The following CD248 variants were observed in gnomAD, a reference collection of about 807,000 sequenced individuals.
The protein encoded by CD248 is endosialin.
In CD248, 7 loss-of-function variants were observed where a neutral mutation model predicts 8.0. That is an observed-to-expected ratio of 0.88 (90% CI 0.50 to 1.64). The LOEUF (loss-of-function observed/expected upper bound fraction) is 1.64, where lower values mean the gene tolerates loss of function less well. Ranked by LOEUF, CD248 falls within the 40% of genes most tolerant of loss-of-function variation. The pLI, the probability that CD248 is intolerant of heterozygous loss-of-function variation, is 0.00. For missense variants in CD248, 912 were observed against 1,027.2 expected (o/e 0.89, Z 1.53); for synonymous variants, 418 against 437.1 (o/e 0.96, Z 0.54).
Position 66,316,112 on chromosome 11 carries a change from C to T in CD248, c.916G>A (p.Asp306Asn), listed in dbSNP as rs756539493. The T allele has an allele frequency of 5.6e-6, 9 of 1,613,544 alleles. No individual in the cohort carries two copies. Among genetic ancestry groups the T allele is most frequent in the Non-Finnish European group, 6.8e-6 (8 of 1,180,040 alleles). ...CRLGFRPAED[D>N]PHRCVDTDEC... is the part of the protein sequence containing the mutation. ...TCTGTGTCCACACAGCGGTGCGGAT[C>T]ATCCTCCGCTGGCCGGAAACCCAGG... Residue 306 changes from aspartate to asparagine, a missense_variant, in exon 1 of 1, where the codon GAT (aspartate) becomes AAT (asparagine). Coordinates refer to ENST00000311330, the MANE Select transcript of CD248 (RefSeq NM_020404.3).
chr11:66,314,603 T>G lies in CD248; in HGVS notation c.*151A>C. On this transcript the variant is annotated 3_prime_UTR_variant, in exon 1 of 1. Coordinates refer to ENST00000311330, the MANE Select transcript of CD248 (RefSeq NM_020404.3). This position sits in a 1 kb window ranked among gnomAD's most constrained non-coding sequence, Gnocchi z 4.0. ...GCGCTGGGCCAGGAAGCAGAGTTCC[T>G]GAGAGCCAAGTCTAGTGGTTGAGAG... The G allele has an allele frequency of 1.5e-6, 1 of 655,184 alleles. No homozygotes were observed. Among genetic ancestry groups the G allele is most frequent in the Non-Finnish European group, 2.6e-6 (1 of 389,298 alleles). The allele number at this position is 655,184 out of a possible 1,614,324, so 40.6% of individuals were successfully genotyped here. A position where few individuals can be genotyped will look rare whatever the true frequency, so the allele number is the denominator to read the frequency against.
Position 66,316,758 on chromosome 11 carries a change from C to T in CD248, c.270G>A (p.Gln90=). ...GGCGCTGCAGCTGGCATTGCCGGGC[C>T]TGCCGCTGCAGCCCGATCCACAGCA... ...SRLLWIGLQR[Q]ARQCQLQRPL... The change falls in exon 1 of 1, where the codon CAG becomes CAA. Residue 90 remains glutamine (Q), a synonymous_variant. Transcript: ENST00000311330. 1.2e-6 allele frequency: 2 copies of T among 1,600,208 alleles called. No homozygotes were observed. Among genetic ancestry groups the T allele is most frequent in the Non-Finnish European group, 1.7e-6 (2 of 1,179,026 alleles).
In CD248 at chr11:66,314,637, G is replaced by T; in HGVS notation, c.*117C>A. 2 of 825,016 alleles carry T rather than the reference G, an allele frequency of 2.4e-6. No individual in the cohort carries two copies. Among genetic ancestry groups the T allele is most frequent in the Non-Finnish European group, 3.7e-6 (2 of 538,382 alleles). The allele number at this position is 825,016 out of a possible 1,614,324, so 51.1% of individuals were successfully genotyped here. A position where few individuals can be genotyped will look rare whatever the true frequency, so the allele number is the denominator to read the frequency against. On this transcript the variant is annotated 3_prime_UTR_variant, in exon 1 of 1. Coordinates refer to ENST00000311330, the MANE Select transcript of CD248 (RefSeq NM_020404.3). This position sits in a 1 kb window ranked among gnomAD's most constrained non-coding sequence, Gnocchi z 4.0. Reference sequence around the variant, plus strand: ...AGTCTAGTGGTTGAGAGAGGACCCTGGCTGGGCCTGGGGAGCAGGAAGCCA... The same window carrying T: ...AGTCTAGTGGTTGAGAGAGGACCCTTGCTGGGCCTGGGGAGCAGGAAGCCA...
Position 66,314,780 on chromosome 11 carries a change from C to A in CD248, c.2248G>T (p.Val750Leu), listed in dbSNP as rs768578038. 3.9e-6 allele frequency: 6 copies of A among 1,552,714 alleles called. No individual in the cohort carries two copies. The East Asian group carries it at 1.5e-4, about 38-fold the overall frequency. The change falls in exon 1 of 1, where the codon GTG becomes TTG. Residue 750 changes from valine (V) to leucine (L), a missense_variant. Coordinates refer to ENST00000311330, the MANE Select transcript of CD248 (RefSeq NM_020404.3). This position sits in a 1 kb window ranked among gnomAD's most constrained non-coding sequence, Gnocchi z 4.0. ...PMPPRGSLTGVQTCRTSV is the reference protein window; with the variant it reads ...PMPPRGSLTGLQTCRTSV ...CACACGCTGGTTCTGCAGGTCTGCACCCCTGTGAGGCTGCCCCTGGGGGGC... is the reference window on the plus strand; with the variant it reads ...CACACGCTGGTTCTGCAGGTCTGCAACCCTGTGAGGCTGCCCCTGGGGGGC...
Position 66,315,783 on chromosome 11 carries a change from T to C in CD248, c.1245A>G (p.Pro415=), listed in dbSNP as rs780045439. The C allele has an allele frequency of 2.5e-6, 4 of 1,613,580 alleles. No homozygotes were observed. Among genetic ancestry groups the C allele is most frequent in the East Asian group, 2.2e-5 (1 of 44,874 alleles). Reference sequence around the variant, plus strand: ...AGGGTATCTGTGGCTCTCTGTCCTCTGGGAAGCTCGGTCTATAGGCCAGGG... The same window carrying C: ...AGGGTATCTGTGGCTCTCTGTCCTCCGGGAAGCTCGGTCTATAGGCCAGGG... ...DFALAYRPSF[P]EDREPQIPYP... The change falls in exon 1 of 1, where the codon CCA becomes CCG. Residue 415 remains proline, a synonymous_variant. Transcript: ENST00000311330. This position sits in a 1 kb window ranked among gnomAD's most constrained non-coding sequence, Gnocchi z 4.3.
Position 66,314,803 on chromosome 11 carries a change from G to A in CD248, c.2225C>T (p.Pro742Leu), listed in dbSNP as rs769738613. 1.9e-6 allele frequency: 3 copies of A among 1,562,204 alleles called. No individual in the cohort carries two copies. The highest frequency in any genetic ancestry group is 2.4e-5 in the East Asian group (1 of 42,178). The part of the protein sequence containing the change: ...AGSKSPTEPM[P>L]PRGSLTGVQT... ...CACCCCTGTGAGGCTGCCCCTGGGG[G>A]GCATGGGTTCTGTTGGGCTCTTGCT... The change falls in exon 1 of 1, where the codon CCC becomes CTC. Residue 742 changes from proline (P) to leucine (L), a missense_variant. By Grantham distance (98) the Pro-to-Leu change is moderately conservative. Coordinates refer to ENST00000311330, the MANE Select transcript of CD248 (RefSeq NM_020404.3). This position sits in a 1 kb window ranked among gnomAD's most constrained non-coding sequence, Gnocchi z 4.0.
chr11:66,316,475 G>A lies in CD248; in HGVS notation c.553C>T (p.Leu185=), dbSNP rs770903032. 1 of 1,599,734 alleles carries A rather than the reference G, an allele frequency of 6.3e-7. No homozygotes were observed. Among genetic ancestry groups the A allele is most frequent in the African/African-American group, 1.3e-5 (1 of 74,946 alleles). Residue 185 remains leucine, a synonymous_variant, in exon 1 of 1, where the codon CTG becomes TTG. Transcript: ENST00000311330. ...GPAVYTTPFH[L]VSTEFEWLPF... is the part of the protein sequence containing the mutation. ...AGCCACTCAAACTCTGTGGAGACCA[G>A]GTGGAAGGGCGTGGTATACACGGCT... is the stretch of plus-strand genomic sequence containing the variant.
rs1291702661 is a variant in CD248 at position 66,315,162 on chromosome 11, GGGCAGGAGGGTGGGGA to G, written c.1850_1865del (p.Leu617ProfsTer183). On this transcript the variant is annotated frameshift_variant, in exon 1 of 1. Coordinates refer to ENST00000311330, the MANE Select transcript of CD248 (RefSeq NM_020404.3). LOFTEE classifies it high-confidence loss of function. This position sits in a 1 kb window ranked among gnomAD's most constrained non-coding sequence, Gnocchi z 4.3. The stretch of plus-strand genomic sequence containing the variant: ...AGGTCTGGTTAGTGGGGCTCTGAGA[GGGCAGGAGGGTGGGGA>G]GGGCTGCGGGCTGGGTGGCAGCAGG... 1.3e-6 allele frequency: 2 copies of G among 1,528,296 alleles called. No individual in the cohort carries two copies. The highest frequency in any genetic ancestry group is 2.8e-5 in the African/African-American group (2 of 72,024). The allele number at this position is 1,528,296 out of a possible 1,614,324, so 94.7% of individuals were successfully genotyped here.
chr11:66,315,593 C>T lies in CD248; in HGVS notation c.1435G>A (p.Asp479Asn), dbSNP rs150813014. Residue 479 changes from aspartate (D) to asparagine (N), a missense_variant, in exon 1 of 1, where the codon GAC becomes AAC. Asp to Asn is a conservative substitution (Grantham distance 23). Transcript: ENST00000311330. This position sits in a 1 kb window ranked among gnomAD's most constrained non-coding sequence, Gnocchi z 4.3. ...GCTGCGATCACGGGGATCTGGTGGT[C>T]ACGGGACAAAGCTGGGTGTGTGGCA... ...IPATHPALSR[D>N]HQIPVIAANY... The T allele has an allele frequency of 5.6e-6, 9 of 1,613,814 alleles. No homozygotes were observed. The highest frequency in any genetic ancestry group is 6.8e-6 in the Non-Finnish European group (8 of 1,179,910).
At position 66,316,029 on chromosome 11, in the gene CD248, G is replaced by A. The variant is rs780234505; in HGVS notation, c.999C>T (p.Phe333=). The A allele has an allele frequency of 1.8e-5, 29 of 1,613,440 alleles. No homozygotes were observed. The highest frequency in any genetic ancestry group is 1.6e-4 in the Middle Eastern group (1 of 6,084). The part of the protein sequence containing the change: ...QQMCVNYVGG[F]ECYCSEGHEL... ...CATGTCCCTCGCTACAATAACACTC[G>A]AAGCCACCAACGTAGTTGACACACA... is the stretch of plus-strand genomic sequence containing the variant. Residue 333 remains phenylalanine (F), a synonymous_variant, in exon 1 of 1, where the codon TTC becomes TTT. Transcript: ENST00000311330.
At position 66,316,028 on chromosome 11, in the gene CD248, C is replaced by G. The variant is rs1348222117; in HGVS notation, c.1000G>C (p.Glu334Gln). ...QMCVNYVGGFECYCSEGHELE... is the reference protein window; with the variant it reads ...QMCVNYVGGFQCYCSEGHELE... The stretch of plus-strand genomic sequence containing the variant: ...TCATGTCCCTCGCTACAATAACACT[C>G]GAAGCCACCAACGTAGTTGACACAC... The change falls in exon 1 of 1, where the codon GAG becomes CAG. Residue 334 changes from glutamate to glutamine, a missense_variant. Glu to Gln is a conservative substitution (Grantham distance 29). Coordinates refer to ENST00000311330, the MANE Select transcript of CD248 (RefSeq NM_020404.3). 2.5e-6 allele frequency: 4 copies of G among 1,613,566 alleles called. No individual in the cohort carries two copies. The highest frequency in any genetic ancestry group is 1.7e-5 in the Admixed American group (1 of 60,010).
Position 66,316,759 on chromosome 11 carries a change from T to C in CD248, c.269A>G (p.Gln90Arg). ...SRLLWIGLQRQARQCQLQRPL... is the reference protein window; with the variant it reads ...SRLLWIGLQRRARQCQLQRPL... ...GCGCTGCAGCTGGCATTGCCGGGCC[T>C]GCCGCTGCAGCCCGATCCACAGCAG... Residue 90 changes from glutamine to arginine, a missense_variant, in exon 1 of 1, where the codon CAG becomes CGG. Gln to Arg is a conservative substitution (Grantham distance 43). Coordinates refer to ENST00000311330, the MANE Select transcript of CD248 (RefSeq NM_020404.3). 6.3e-7 allele frequency: 1 copy of C among 1,599,922 alleles called. No individual in the cohort carries two copies. Among genetic ancestry groups the C allele is most frequent in the South Asian group, 1.1e-5 (1 of 90,920 alleles).
At position 66,314,626 on chromosome 11, in the gene CD248, G is replaced by A. The variant is rs1854521100; in HGVS notation, c.*128C>T. The A allele has an allele frequency of 2.3e-5, 17 of 751,686 alleles. No individual in the cohort carries two copies. The highest frequency in any genetic ancestry group is 3.4e-5 in the Non-Finnish European group (16 of 473,088). The allele number at this position is 751,686 out of a possible 1,614,324, so 46.6% of individuals were successfully genotyped here. ...CCTGAGAGCCAAGTCTAGTGGTTGA[G>A]AGAGGACCCTGGCTGGGCCTGGGGA... On this transcript the variant is annotated 3_prime_UTR_variant, in exon 1 of 1. Coordinates refer to ENST00000311330, the MANE Select transcript of CD248 (RefSeq NM_020404.3). The surrounding 1 kb of genome is among the most constrained non-coding windows in gnomAD (Gnocchi z 4.0).
In CD248 at chr11:66,316,973, C is replaced by T. The variant is rs1854559636; in HGVS notation, c.55G>A (p.Asp19Asn). 1 of 1,528,560 alleles carries T rather than the reference C, an allele frequency of 6.5e-7. No homozygotes were observed. Among genetic ancestry groups the T allele is most frequent in the South Asian group, 1.2e-5 (1 of 81,920 alleles). 94.7% of individuals were successfully genotyped at this position (1,528,560 alleles called of 1,614,324 possible). A position where few individuals can be genotyped will look rare whatever the true frequency, so the allele number is the denominator to read the frequency against. The change falls in exon 1 of 1, where the codon GAC (aspartate) becomes AAC (asparagine). Residue 19 changes from aspartate (D) to asparagine (N), a missense_variant. Transcript: ENST00000311330. ...GCACGGGGCTCAGCAGCCCAGGGGT[C>T]CTGGCCCAGTGTGGGCCCTGCGGCC... ...WAAAGPTLGQ[D>N]PWAAEPRAAC...
rs1854555135 is a variant in CD248, at chr11:66,316,704, C to T, written c.324G>A (p.Gly108=). ...RPLRGFTWTT[G]DQDTAFTNWA... ...AGTTGGTGAAAGCCGTGTCCTGGTC[C>T]CCTGTGGTCCACGTGAAGCCGCGCA... is the stretch of plus-strand genomic sequence containing the variant. The change falls in exon 1 of 1, where the codon GGG becomes GGA. Residue 108 remains glycine (G), a synonymous_variant. Coordinates refer to ENST00000311330, the MANE Select transcript of CD248 (RefSeq NM_020404.3). 1 of 1,606,788 alleles carries T rather than the reference C, an allele frequency of 6.2e-7. No individual in the cohort carries two copies. The highest frequency in any genetic ancestry group is 8.5e-7 in the Non-Finnish European group (1 of 1,179,574).
rs771008572 is a variant in CD248, at chr11:66,315,306, G to T, written c.1722C>A (p.Val574=). 1.3e-6 allele frequency: 2 copies of T among 1,562,216 alleles called. No individual in the cohort carries two copies. The highest frequency in any genetic ancestry group is 1.7e-6 in the Non-Finnish European group (2 of 1,152,360). The part of the protein sequence containing the change: ...QLPPQAPDAL[V]LRTQATQLPI... ...GAAGCTGGGTGGCCTGGGTTCTGAGGACAAGGGCATCTGGGGCTTGAGGGG... is the reference window on the plus strand; with the variant it reads ...GAAGCTGGGTGGCCTGGGTTCTGAGTACAAGGGCATCTGGGGCTTGAGGGG... Residue 574 remains valine, a synonymous_variant, in exon 1 of 1, where the codon GTC becomes GTA. Coordinates refer to ENST00000311330, the MANE Select transcript of CD248 (RefSeq NM_020404.3). This position sits in a 1 kb window ranked among gnomAD's most constrained non-coding sequence, Gnocchi z 4.3.
In CD248 at chr11:66,314,631, G is replaced by A. The variant is rs1854521153; in HGVS notation, c.*123C>T. 2.6e-6 allele frequency: 2 copies of A among 771,992 alleles called. No individual in the cohort carries two copies. Among genetic ancestry groups the A allele is most frequent in the Non-Finnish European group, 2.0e-6 (1 of 491,272 alleles). 47.8% of individuals were successfully genotyped at this position (771,992 alleles called of 1,614,324 possible). A position where few individuals can be genotyped will look rare whatever the true frequency, so the allele number is the denominator to read the frequency against. ...GAGCCAAGTCTAGTGGTTGAGAGAG[G>A]ACCCTGGCTGGGCCTGGGGAGCAGG... On this transcript the variant is annotated 3_prime_UTR_variant, in exon 1 of 1. Coordinates refer to ENST00000311330, the MANE Select transcript of CD248 (RefSeq NM_020404.3). This position sits in a 1 kb window ranked among gnomAD's most constrained non-coding sequence, Gnocchi z 4.0.
chr11:66,314,584 G>A lies in CD248; in HGVS notation c.*170C>T, dbSNP rs112329883. On this transcript the variant is annotated 3_prime_UTR_variant, in exon 1 of 1. Transcript: ENST00000311330. This position sits in a 1 kb window ranked among gnomAD's most constrained non-coding sequence, Gnocchi z 4.0. ...GGTGTATCCTTGGTCACGAGCGCTG[G>A]GCCAGGAAGCAGAGTTCCTGAGAGC... The A allele has an allele frequency of 2.3e-3, 1,405 of 612,156 alleles. 13 individuals carry two copies. Among genetic ancestry groups the A allele is most frequent in the African/African-American group, 0.022 (1,202 of 54,266 alleles). 37.9% of individuals were successfully genotyped at this position (612,156 alleles called of 1,614,324 possible). A position where few individuals can be genotyped will look rare whatever the true frequency, so the allele number is the denominator to read the frequency against.
chr11:66,316,355 G>A lies in CD248; in HGVS notation c.673C>T (p.Arg225Trp), dbSNP rs1024080268. Residue 225 changes from arginine (R) to tryptophan (W), a missense_variant, in exon 1 of 1, where the codon CGG (arginine) becomes TGG (tryptophan). Coordinates refer to ENST00000311330, the MANE Select transcript of CD248 (RefSeq NM_020404.3). ...KQPEGGVGWS[R>W]AGPLCLGTGC... is the part of the protein sequence containing the mutation. The stretch of plus-strand genomic sequence containing the variant: ...GTCCCCAGGCACAGGGGCCCAGCCC[G>A]TGACCAGCCCACACCTCCCTCAGGC... 7.4e-6 allele frequency: 12 copies of A among 1,612,312 alleles called. No homozygotes were observed. Among genetic ancestry groups the A allele is most frequent in the African/African-American group, 4.0e-5 (3 of 74,948 alleles).
Sources: gnomAD v4.1 joint callset for allele counts on GRCh38, gnomAD v4.1.1 for gene constraint, Gnocchi (gnomAD v3.1) non-coding constraint, MANE v1.5 for transcripts, NCBI Gene and HGNC (gene_info 2026-07-23, HGNC 2026-07-21) for gene names.